SLC9A9: variants seen among roughly 807,000 people sequenced by gnomAD.
SLC9A9 encodes the protein sodium/hydrogen exchanger 9.
A neutral mutation model predicts 77.8 loss-of-function variants in SLC9A9; 62 were observed. That is an observed-to-expected ratio of 0.80 (90% CI 0.65 to 0.98). The LOEUF is 0.98. Ranked by LOEUF, SLC9A9 falls within the 50% of genes least tolerant of loss-of-function variation. The pLI is 0.00. For missense variants in SLC9A9, 775 were observed against 774.9 expected, an observed-to-expected ratio of 1.00 and a Z score of 0.00; for synonymous variants, 320 against 283.5, an observed-to-expected ratio of 1.13 and a Z score of -1.29.
At position 143,806,145 on chromosome 3, in the gene SLC9A9, C is replaced by A. The variant is rs1271751916; in HGVS notation, c.379-9242G>T. The stretch of plus-strand genomic sequence containing the variant: ...GCATTCATTATTTTACCACTAAGAG[C>A]TTCTCACCATTAGACTCCTCATCAA... On this transcript the variant is annotated intron_variant, in intron 2 of 15. Transcript: ENST00000316549. 2.0e-5 allele frequency among the ~76,000 whole-genome samples: 3 copies of A among 149,224 alleles called. No homozygotes were observed. The East Asian group carries it at 6.0e-4, about 30-fold the overall frequency.
intron 5 of SLC9A9, among the ~76,000 whole-genome samples, chr3:143,658,765 GA>G (rs1160629002): frequency 6.6e-6 from 1 of 152,122 alleles, no homozygotes; most frequent in Non-Finnish European, 1.5e-5. Flanking sequence ...ACTGAGAGTA[GA>G]AAAAGGTAAC....
At chr3:143,666,754 C>T (rs1186604877) in intron 5 of SLC9A9, among the ~76,000 whole-genome samples, 3 of 152,066 alleles carry the variant, frequency 2.0e-5, no homozygotes, top group Non-Finnish European at 4.4e-5. Flanking sequence ...CAATAAAATA[C>T]CTAGGAATCC....
chr3:143,379,232 C>T (rs1015459120), intron 13 of SLC9A9, among the ~76,000 whole-genome samples: 10 of 152,066 alleles, frequency 6.6e-5, no homozygotes, highest in African/African-American at 2.4e-4. Context: ...ACATACAATC[C>T]TCCTAAGAAT....
chr3:143,557,594 G>T (rs2037009346), intron 8 of SLC9A9, among the ~76,000 whole-genome samples: 1 of 152,210 alleles, frequency 6.6e-6, no homozygotes. Context: ...TGACTAAAAT[G>T]CTGATAGTGA....
At chr3:143,349,878 C>T (rs550870765) in intron 14 of SLC9A9, among the ~76,000 whole-genome samples, 1 of 152,278 alleles carries the variant, frequency 6.6e-6, no homozygotes, top group East Asian at 1.9e-4. Flanking sequence ...TGTAGAGCAT[C>T]CCCCTATGAG....
At chr3:143,605,301 A>C (rs2037902850) in intron 6 of SLC9A9, among the ~76,000 whole-genome samples, 1 of 152,204 alleles carries the variant, frequency 6.6e-6, no homozygotes, top group South Asian at 2.1e-4. Flanking sequence ...ATGGTACACT[A>C]TAACTTGTTC....
chr3:143,615,340 G>A (rs2038085241), intron 6 of SLC9A9, among the ~76,000 whole-genome samples: 1 of 152,140 alleles, frequency 6.6e-6, no homozygotes, highest in Non-Finnish European at 1.5e-5. Context: ...GAATCACCTG[G>A]TAACTGACCG....
intron 12 of SLC9A9, among the ~76,000 whole-genome samples, chr3:143,409,874 G>T (rs1218835675): frequency 1.3e-5 from 2 of 152,268 alleles, no homozygotes; most frequent in East Asian, 3.9e-4. Context: ...GGGGTTCTGG[G>T]CTGCAGGAAC....
At position 143,454,274 on chromosome 3, in the gene SLC9A9, T is replaced by G. The variant is rs187851824; in HGVS notation, c.1469+12763A>C. On this transcript the variant is annotated intron_variant, in intron 12 of 15. Transcript: ENST00000316549. Reference sequence around the variant, plus strand: ...TATTATTTTAGATTCCCACCAGCAATGTATTCTCTCTAGGTGTGTAGCTTT... The same window carrying G: ...TATTATTTTAGATTCCCACCAGCAAGGTATTCTCTCTAGGTGTGTAGCTTT... Among the ~76,000 whole-genome samples, 59 of 152,318 alleles carry G rather than the reference T, an allele frequency of 3.9e-4. No individual in the cohort carries two copies. The South Asian group carries it at 4.1e-3, about 11-fold the overall frequency.
intron 13 of SLC9A9, among the ~76,000 whole-genome samples, chr3:143,376,469 T>A (rs542513390): frequency 6.6e-6 from 1 of 152,218 alleles, no homozygotes; most frequent in African/African-American, 2.4e-5. Flanking sequence ...GGGAGTGATA[T>A]AGGTATCTTG....
At chr3:143,593,558 A>G (rs2037696618) in intron 6 of SLC9A9, among the ~76,000 whole-genome samples, 3 of 151,690 alleles carry the variant, frequency 2.0e-5, no homozygotes, top group Admixed American at 2.0e-4. Flanking sequence ...GAAACATGCA[A>G]ATAGAAACAG....
chr3:143,693,987 C>G (rs1049509981), intron 4 of SLC9A9, among the ~76,000 whole-genome samples: 1 of 152,094 alleles, frequency 6.6e-6, no homozygotes, highest in African/African-American at 2.4e-5. Flanking sequence ...TCATCATTTG[C>G]CAACCTATAG....
chr3:143,450,725 T>C (rs2034992139), intron 12 of SLC9A9, among the ~76,000 whole-genome samples: 1 of 152,116 alleles, frequency 6.6e-6, no homozygotes. Flanking sequence ...GACAGTGAAT[T>C]AAAAAAGGGT....
At chr3:143,571,600 A>G in intron 8 of SLC9A9, among the ~76,000 whole-genome samples, 1 of 146,650 alleles carries the variant, frequency 6.8e-6, no homozygotes, top group East Asian at 2.0e-4. Flanking sequence ...TATGAAAAAT[A>G]AAGTTTGCCC....
chr3:143,843,583 A>G (rs1434625587), intron 1 of SLC9A9, among the ~76,000 whole-genome samples: 1 of 152,206 alleles, frequency 6.6e-6, no homozygotes, highest in Non-Finnish European at 1.5e-5. Context: ...ACATGAATTC[A>G]GACTAACTTC....
At chr3:143,796,943 C>T (rs755499210) in intron 2 of SLC9A9, 40 bp from the exon 3 acceptor site, 3 of 1,490,980 alleles carry the variant, frequency 2.0e-6, no homozygotes, top group Non-Finnish European at 2.8e-6. Context: ...AATGATGCTC[C>T]TTTGGGTCAT....
intron 11 of SLC9A9, among the ~76,000 whole-genome samples, chr3:143,468,117 A>G (rs1242859005): frequency 6.6e-6 from 1 of 152,224 alleles, no homozygotes; most frequent in Non-Finnish European, 1.5e-5. Context: ...TATTACAAGA[A>G]AGGATGCTAA....
chr3:143,367,224 A>G lies in SLC9A9; in HGVS notation c.1525-3661T>C, dbSNP rs1022432426. ...ACATTAGGTAGTATTTTGGAAAAAT[A>G]TTAACACATGCAATCTCTTTCTAAA... On this transcript the variant is annotated intron_variant, in intron 13 of 15. Transcript: ENST00000316549. 2.6e-5 allele frequency among the ~76,000 whole-genome samples: 4 copies of G among 152,384 alleles called. 1 individual carries two copies. Among genetic ancestry groups the G allele is most frequent in the Middle Eastern group, 6.8e-3 (2 of 294 alleles).
Position 143,283,899 on chromosome 3 carries a change from G to A in SLC9A9, c.1605-14919C>T, listed in dbSNP as rs116535842. ...AAAACCACTCAAGTTTTATTGGCACGAACAGGTATGATCCTTTGGTTAAAT... is the reference window on the plus strand; with the variant it reads ...AAAACCACTCAAGTTTTATTGGCACAAACAGGTATGATCCTTTGGTTAAAT... On this transcript the variant is annotated intron_variant, in intron 14 of 15. Coordinates refer to ENST00000316549, the MANE Select transcript of SLC9A9 (RefSeq NM_173653.4). Among the ~76,000 whole-genome samples the A allele has an allele frequency of 4.4e-3, 666 of 152,228 alleles. 3 individuals carry two copies. The highest frequency in any genetic ancestry group is 0.014 in the African/African-American group (595 of 41,538).
Sources: gnomAD v4.1 joint callset for allele counts (sites outside exome capture counted in the v4.1 genomes callset) on GRCh38, gnomAD v4.1.1 for gene constraint, MANE v1.5 for transcripts, NCBI Gene and HGNC (gene_info 2026-07-23, HGNC 2026-07-21) for gene names.